Variants in UBR2 observed in about 807,000 individuals in gnomAD.
The protein encoded by UBR2 is ubiquitin protein ligase E3 component n-recognin 2, also known as E3 ubiquitin-protein ligase UBR2.
Under a neutral mutation model 247.9 loss-of-function variants are expected in UBR2, and 92 were observed. The observed-to-expected ratio is 0.37, with a 90% CI of 0.31 to 0.44. The LOEUF (loss-of-function observed/expected upper bound fraction) is 0.44, where lower values mean the gene tolerates loss of function less well. Ranked by LOEUF, UBR2 falls within the 20% of genes least tolerant of loss-of-function variation. The pLI is 1.00. For synonymous variants in UBR2, 672 were observed against 693.5 expected, an observed-to-expected ratio of 0.97 and a Z score of 0.49; for missense variants, 1,613 against 2,112.6, an observed-to-expected ratio of 0.76 and a Z score of 4.64.
At chr6:42,620,940 G>A (rs974370649) in intron 11 of UBR2, among the ~76,000 whole-genome samples, 8 of 151,906 alleles carry the variant, frequency 5.3e-5, no homozygotes, top group Admixed American at 3.3e-4. Context: ...GAGTAGCTGG[G>A]GCTACAGGCG....
chr6:42,628,157 C>T (rs1795472113), intron 11 of UBR2, among the ~76,000 whole-genome samples: 1 of 152,036 alleles, frequency 6.6e-6, no homozygotes, highest in South Asian at 2.1e-4. Context: ...CTCAGCAGCT[C>T]TCTAGTGATT....
At chr6:42,639,568 C>G (rs909344044) in intron 15 of UBR2, among the ~76,000 whole-genome samples, 3 of 151,954 alleles carry the variant, frequency 2.0e-5, no homozygotes, top group Non-Finnish European at 4.4e-5. Context: ...AGGTTAGAAA[C>G]TAATGAGGCT....
Position 42,592,201 on chromosome 6 carries a change from G to A in UBR2, c.389G>A (p.Gly130Glu). ...GTTTTGTGCATGGAGTGCTTTTTGGGAAGTATTCACAGAGATCATCGATAT... is the reference window on the plus strand; with the variant it reads ...GTTTTGTGCATGGAGTGCTTTTTGGAAAGTATTCACAGAGATCATCGATAT... The part of the protein sequence containing the change: ...TCVLCMECFL[G>E]SIHRDHRYRM... Residue 130 changes from glycine (G) to glutamate (E), a missense_variant, in exon 3 of 47, where the codon GGA becomes GAA. Coordinates refer to ENST00000372901, the MANE Select transcript of UBR2 (RefSeq NM_001363705.2). 3.8e-6 allele frequency: 6 copies of A among 1,597,910 alleles called. No homozygotes were observed. Among genetic ancestry groups the A allele is most frequent in the Non-Finnish European group, 5.1e-6 (6 of 1,175,390 alleles).
intron 10 of UBR2, among the ~76,000 whole-genome samples, chr6:42,616,654 AG>A (rs1794573300): frequency 6.6e-6 from 1 of 151,802 alleles, no homozygotes; most frequent in South Asian, 2.1e-4. Context: ...TTAAGAAACA[AG>A]GTCTCTTCAG....
intron 2 of UBR2, among the ~76,000 whole-genome samples, chr6:42,583,281 C>T (rs1211511235): frequency 6.6e-6 from 1 of 152,056 alleles, no homozygotes; most frequent in Non-Finnish European, 1.5e-5. Context: ...CAGTTTTGCT[C>T]CTGTTGCCCA....
At chr6:42,565,590 C>G (rs1790732247) in intron 1 of UBR2, among the ~76,000 whole-genome samples, 1 of 152,098 alleles carries the variant, frequency 6.6e-6, no homozygotes, top group African/African-American at 2.4e-5. Context: ...GACGGAGTTT[C>G]GCTTTCGATG....
In UBR2 at chr6:42,599,145, G is replaced by C. The variant is rs368022139; in HGVS notation, c.532-4443G>C. Among the ~76,000 whole-genome samples, 3 of 152,210 alleles carry C rather than the reference G, an allele frequency of 2.0e-5. No homozygotes were observed. The East Asian group carries it at 5.8e-4, about 29-fold the overall frequency. On this transcript the variant is annotated intron_variant, in intron 4 of 46. Transcript: ENST00000372901. ...AAATATTAACTGAACAACAACCTAA[G>C]TGAAGATTTTTGTAATCTGAAATTT...
chr6:42,681,911 T>C (rs1266886486), intron 42 of UBR2, among the ~76,000 whole-genome samples: 5 of 152,156 alleles, frequency 3.3e-5, no homozygotes, highest in African/African-American at 1.2e-4. Context: ...TGGACTATTA[T>C]TCAGTCTTAA....
intron 25 of UBR2, among the ~76,000 whole-genome samples, chr6:42,654,566 A>G (rs1438395826): frequency 2.0e-5 from 3 of 152,174 alleles, no homozygotes; most frequent in Non-Finnish European, 4.4e-5. Flanking sequence ...CTCTACTAAA[A>G]ATAAAAAAAT....
intron 1 of UBR2, among the ~76,000 whole-genome samples, chr6:42,572,428 C>A (rs1299099812): frequency 1.4e-5 from 2 of 146,974 alleles, no homozygotes; most frequent in Non-Finnish European, 3.0e-5. Flanking sequence ...ATGTTGACTT[C>A]TTATGATGTT....
At chr6:42,665,636 C>A in intron 33 of UBR2, 124 bp downstream of exon 33, 1 of 727,050 alleles carries the variant, frequency 1.4e-6, no homozygotes, top group Non-Finnish European at 2.2e-6. Context: ...TCTAATTTTC[C>A]TTGTCTTAAT....
At chr6:42,575,912 C>G (rs926205812) in intron 2 of UBR2, among the ~76,000 whole-genome samples, 3 of 152,092 alleles carry the variant, frequency 2.0e-5, no homozygotes, top group African/African-American at 7.2e-5. Flanking sequence ...TTTGTGGGGT[C>G]TCATTATTAT....
At chr6:42,577,516 G>A (rs989392441) in intron 2 of UBR2, among the ~76,000 whole-genome samples, 15 of 147,442 alleles carry the variant, frequency 1.0e-4, no homozygotes, top group African/African-American at 3.5e-4. Context: ...CTTGTTATTC[G>A]TTATTAAATA....
intron 4 of UBR2, among the ~76,000 whole-genome samples, chr6:42,599,717 A>G (rs548621783): frequency 2.6e-5 from 4 of 152,042 alleles, no homozygotes; most frequent in Non-Finnish European, 5.9e-5. Flanking sequence ...TGGTGCAATC[A>G]TGGCTCACTG....
chr6:42,688,629 A>G (rs1799581949), intron 45 of UBR2, among the ~76,000 whole-genome samples: 2 of 152,124 alleles, frequency 1.3e-5, no homozygotes, highest in African/African-American at 2.4e-5. Flanking sequence ...GTTCTGTTCT[A>G]CTTTCTCCAT....
chr6:42,565,637 C>T (rs553659007), intron 1 of UBR2, among the ~76,000 whole-genome samples: 12 of 152,070 alleles, frequency 7.9e-5, no homozygotes, highest in South Asian at 2.1e-4. Flanking sequence ...CTCAGCTCAC[C>T]GCAACCTCAG....
chr6:42,604,676 C>G (rs1793587515), intron 5 of UBR2, among the ~76,000 whole-genome samples: 1 of 152,100 alleles, frequency 6.6e-6, no homozygotes, highest in Non-Finnish European at 1.5e-5. Context: ...AACTTTAAGG[C>G]AAATTCTGAT....
intron 40 of UBR2, among the ~76,000 whole-genome samples, chr6:42,678,338 A>G (rs889417058): frequency 1.3e-5 from 2 of 152,246 alleles, no homozygotes; most frequent in African/African-American, 4.8e-5. Flanking sequence ...TCCGTCTCAA[A>G]AAATTTAATA....
chr6:42,595,937 T>A (rs1453613848), intron 4 of UBR2, among the ~76,000 whole-genome samples: 1 of 151,762 alleles, frequency 6.6e-6, no homozygotes, highest in Non-Finnish European at 1.5e-5. Flanking sequence ...TTTTTCCACT[T>A]CTATTGGAGA....
Sources: gnomAD v4.1 joint callset for allele counts (sites outside exome capture counted in the v4.1 genomes callset) on GRCh38, gnomAD v4.1.1 for gene constraint, MANE v1.5 for transcripts, NCBI Gene and HGNC (gene_info 2026-07-23, HGNC 2026-07-21) for gene names.